The following SLC25A13 variants were observed in gnomAD, a reference collection of about 807,000 sequenced individuals.
SLC25A13 encodes the protein solute carrier family 25 member 13, also known as electrogenic aspartate/glutamate antiporter SLC25A13, mitochondrial.
A neutral mutation model predicts 85.5 loss-of-function variants in SLC25A13; 70 were observed. That is an observed-to-expected ratio of 0.82 (90% CI 0.68 to 1.00). SLC25A13 has a LOEUF of 1.00. Among genes scored for constraint, SLC25A13 ranks in the 50% least tolerant of loss-of-function variants. The pLI is 0.00. For synonymous variants in SLC25A13, 259 were observed against 288.7 expected, an observed-to-expected ratio of 0.90 and a Z score of 1.04; for missense variants, 765 against 819.8, an observed-to-expected ratio of 0.93 and a Z score of 0.82.
At chr7:96,229,919 A>G (rs190971316) in intron 4 of SLC25A13, among the ~76,000 whole-genome samples, 273 of 152,354 alleles carry the variant, frequency 1.8e-3, no homozygotes, top group Non-Finnish European at 2.7e-3. Flanking sequence ...CACCAATTCC[A>G]GACACACCAT....
intron 4 of SLC25A13, among the ~76,000 whole-genome samples, chr7:96,218,850 T>C (rs1289522533): frequency 5.9e-5 from 9 of 152,222 alleles, no homozygotes; most frequent in Non-Finnish European, 1.5e-5. Context: ...CTTTTTCTAA[T>C]GCATGCTAAA....
intron 1 of SLC25A13, among the ~76,000 whole-genome samples, chr7:96,303,143 C>T (rs1171931143): frequency 6.6e-6 from 1 of 152,054 alleles, no homozygotes; most frequent in Non-Finnish European, 1.5e-5. Flanking sequence ...ACCCGAGGCC[C>T]AACCTCAGCT....
intron 2 of SLC25A13, among the ~76,000 whole-genome samples, chr7:96,287,562 C>T (rs1487101914): frequency 6.6e-6 from 1 of 152,218 alleles, no homozygotes; most frequent in Non-Finnish European, 1.5e-5. Flanking sequence ...TATAGTCCTG[C>T]TGGCTGCTGA....
At chr7:96,202,404 A>T (rs1483718563) in intron 5 of SLC25A13, among the ~76,000 whole-genome samples, 1 of 152,152 alleles carries the variant, frequency 6.6e-6, no homozygotes, top group Admixed American at 6.6e-5. Context: ...GGGTCAGGTG[A>T]CCTCATTCTT....
chr7:96,207,818 G>A (rs965326327), intron 5 of SLC25A13, among the ~76,000 whole-genome samples: 1 of 152,090 alleles, frequency 6.6e-6, no homozygotes, highest in African/African-American at 2.4e-5. Context: ...ACGAGAGAAG[G>A]GCAGCAGGGA....
chr7:96,182,376 T>C (rs937069679), intron 11 of SLC25A13, among the ~76,000 whole-genome samples: 2 of 151,982 alleles, frequency 1.3e-5, no homozygotes, highest in Non-Finnish European at 2.9e-5. Flanking sequence ...ACTAATCTTA[T>C]ATTCACACTC....
At chr7:96,151,939 C>T (rs1215881499) in intron 13 of SLC25A13, among the ~76,000 whole-genome samples, 7 of 152,086 alleles carry the variant, frequency 4.6e-5, no homozygotes, top group Non-Finnish European at 7.4e-5. Flanking sequence ...AGCAAGACTC[C>T]GTCTCAATAA....
rs907495319 is a variant in SLC25A13, at chr7:96,274,862, G to A, written c.212+2334C>T. Among the ~76,000 whole-genome samples the A allele has an allele frequency of 4.6e-5, 7 of 152,200 alleles. No homozygotes were observed. The East Asian group carries it at 1.3e-3, about 29-fold the overall frequency. On this transcript the variant is annotated intron_variant, in intron 3 of 17. Coordinates refer to ENST00000265631, the MANE Select transcript of SLC25A13 (RefSeq NM_014251.3). ...CTGGGGGCTCTGTTCTGTTCCATTG[G>A]TCTATATCTCTGTTTTGGTACCAGT... is the stretch of plus-strand genomic sequence containing the variant.
intron 5 of SLC25A13, among the ~76,000 whole-genome samples, chr7:96,197,173 A>T (rs1435840822): frequency 1.3e-5 from 2 of 152,336 alleles, no homozygotes; most frequent in Admixed American, 1.3e-4. Flanking sequence ...ACTGTCAGGA[A>T]TTTGATTAAA....
chr7:96,263,419 T>G (rs1797932170), intron 3 of SLC25A13, among the ~76,000 whole-genome samples: 2 of 152,170 alleles, frequency 1.3e-5, no homozygotes, highest in South Asian at 2.1e-4. Flanking sequence ...AACCAATACC[T>G]GGCTGTCCCT....
At chr7:96,262,129 A>C (rs568516202) in intron 3 of SLC25A13, among the ~76,000 whole-genome samples, 2 of 152,172 alleles carry the variant, frequency 1.3e-5, no homozygotes, top group South Asian at 4.2e-4. Context: ...AATTTAAGCA[A>C]CTCCACATCC....
At chr7:96,182,792 A>C (rs899116006) in intron 11 of SLC25A13, among the ~76,000 whole-genome samples, 1 of 152,202 alleles carries the variant, frequency 6.6e-6, no homozygotes, top group Non-Finnish European at 1.5e-5. Flanking sequence ...AAAGACACTG[A>C]GCAGTGTTGG....
chr7:96,308,141 G>A (rs924297665), intron 1 of SLC25A13, among the ~76,000 whole-genome samples: 2 of 125,098 alleles, frequency 1.6e-5, no homozygotes, highest in Admixed American at 9.1e-5. Context: ...CAACAAGAGC[G>A]AAACTCCATC....
At chr7:96,297,429 G>A (rs1224849728) in intron 1 of SLC25A13, among the ~76,000 whole-genome samples, 4 of 151,888 alleles carry the variant, frequency 2.6e-5, no homozygotes, top group African/African-American at 7.3e-5. Context: ...TGCCTCCCAG[G>A]TTCAAGCGAT....
intron 2 of SLC25A13, among the ~76,000 whole-genome samples, chr7:96,286,905 G>C (rs1210110642): frequency 1.3e-5 from 2 of 152,076 alleles, no homozygotes; most frequent in Admixed American, 6.5e-5. Context: ...CATCACACCT[G>C]GTGTGAAGGC....
In SLC25A13 at chr7:96,322,059, G is replaced by T. The variant is rs748096375; in HGVS notation, c.-103C>A. On this transcript the variant is annotated 5_prime_UTR_variant, in exon 1 of 18. Transcript: ENST00000265631. ...AGTCCCGGCGGCGGCGGCGGTGGGG[G>T]CGGCGATACGGCCAGGCAGCGTGCG... 33 of 1,450,522 alleles carry T rather than the reference G, an allele frequency of 2.3e-5. No individual in the cohort carries two copies. Among genetic ancestry groups the T allele is most frequent in the Non-Finnish European group, 2.4e-5 (26 of 1,075,360 alleles). The allele number at this position is 1,450,522 out of a possible 1,614,324, so 89.9% of individuals were successfully genotyped here.
chr7:96,238,064 T>A (rs10808097), intron 3 of SLC25A13, among the ~76,000 whole-genome samples: 1 of 151,844 alleles, frequency 6.6e-6, no homozygotes, highest in African/African-American at 2.4e-5. Flanking sequence ...TGTGACTTTA[T>A]TTGGAAATAG....
chr7:96,249,747 AAG>A (rs1797338378), intron 3 of SLC25A13, among the ~76,000 whole-genome samples: 1 of 152,222 alleles, frequency 6.6e-6, no homozygotes, highest in Admixed American at 6.5e-5. Flanking sequence ...ATATTTTTGC[AAG>A]AGGAAATTAA....
At chr7:96,283,646 C>T (rs1312252319) in intron 2 of SLC25A13, 3 of 292,302 alleles carry the variant, frequency 1.0e-5, no homozygotes, top group Non-Finnish European at 2.0e-5. Context: ...GCACATTAAG[C>T]ACTCTAAGAG....
Sources: gnomAD v4.1 joint callset for allele counts (sites outside exome capture counted in the v4.1 genomes callset) on GRCh38, gnomAD v4.1.1 for gene constraint, MANE v1.5 for transcripts, NCBI Gene and HGNC (gene_info 2026-07-23, HGNC 2026-07-21) for gene names.